The following NAV3 variants were observed in gnomAD, a reference collection of about 807,000 sequenced individuals.
NAV3 encodes pore membrane and/or filament interacting like protein 1.
Under a neutral mutation model 244.7 loss-of-function variants are expected in NAV3, and 87 were observed. That is an observed-to-expected ratio of 0.36 (90% CI 0.30 to 0.42). The LOEUF (loss-of-function observed/expected upper bound fraction) is 0.42. Ranked by LOEUF, NAV3 falls within the 20% of genes least tolerant of loss-of-function variation. The pLI, the probability that NAV3 is intolerant of heterozygous loss-of-function variation, is 1.00. For synonymous variants in NAV3, 1,126 were observed against 1,042.2 expected, an observed-to-expected ratio of 1.08 and a Z score of -1.55; for missense variants, 2,663 against 2,893.3, an observed-to-expected ratio of 0.92 and a Z score of 1.83.
At chr12:77,933,324 T>C (rs958299528) in intron 1 of NAV3, among the ~76,000 whole-genome samples, 10 of 152,026 alleles carry the variant, frequency 6.6e-5, no homozygotes, top group African/African-American at 2.4e-4. Flanking sequence ...GCAATGATAG[T>C]AGCAATGGAG....
At chr12:78,114,937 G>A (rs966469503) in intron 12 of NAV3, among the ~76,000 whole-genome samples, 1 of 152,076 alleles carries the variant, frequency 6.6e-6, no homozygotes, top group African/African-American at 2.4e-5. Context: ...TACACACCTA[G>A]AGAGGAATCA....
intron 16 of NAV3, among the ~76,000 whole-genome samples, chr12:78,126,134 G>T (rs1955896661): frequency 6.6e-6 from 1 of 152,078 alleles, no homozygotes. Context: ...ACCTTACATG[G>T]CTATTACCGA....
At chr12:77,979,092 T>G (rs1044578943) in intron 5 of NAV3, among the ~76,000 whole-genome samples, 4 of 151,722 alleles carry the variant, frequency 2.6e-5, no homozygotes, top group Non-Finnish European at 4.4e-5. Context: ...AAATCATAAT[T>G]GTCTGGGCAT....
chr12:78,103,179 T>A (rs1020403097), intron 12 of NAV3, among the ~76,000 whole-genome samples: 4 of 152,230 alleles, frequency 2.6e-5, no homozygotes, highest in Non-Finnish European at 5.9e-5. Flanking sequence ...ACCTCTTGAA[T>A]GCTTTGCTGC....
rs192151580 is a variant in NAV3 at position 77,914,411 on chromosome 12, A to G, written c.244-25908A>G. ...CTCTGAGTTTAGTAGTTACTTTGAT[A>G]TCTTAGTGAGGGATGCTCTCTAGTG... On this transcript the variant is annotated intron_variant, in intron 1 of 39. Transcript: ENST00000397909. Among the ~76,000 whole-genome samples the G allele has an allele frequency of 2.6e-5, 4 of 152,190 alleles. No homozygotes were observed. In the East Asian group the frequency reaches 7.8e-4, roughly 30 times the overall value.
At chr12:77,917,172 C>A (rs1002536737) in intron 1 of NAV3, among the ~76,000 whole-genome samples, 2 of 151,990 alleles carry the variant, frequency 1.3e-5, no homozygotes, top group South Asian at 2.1e-4. Context: ...TATTCCAAAC[C>A]AGATGCTGTG....
chr12:77,711,649 A>G (rs1417309434), intron 2 of NAV3, among the ~76,000 whole-genome samples: 2 of 152,182 alleles, frequency 1.3e-5, no homozygotes, highest in Admixed American at 6.5e-5. Flanking sequence ...AGCTGCCCTG[A>G]GCAAGATTAG....
chr12:77,619,870 G>C (rs534504735), intron 2 of NAV3, among the ~76,000 whole-genome samples: 2 of 151,484 alleles, frequency 1.3e-5, no homozygotes, highest in African/African-American at 4.8e-5. Context: ...GTGACAAAAA[G>C]TCTCTCTCTC....
At chr12:77,639,951 A>C (rs191066777) in intron 2 of NAV3, among the ~76,000 whole-genome samples, 1 of 152,286 alleles carries the variant, frequency 6.6e-6, no homozygotes, top group East Asian at 1.9e-4. Flanking sequence ...CACTAGTTTT[A>C]GAGAAGAGTT....
rs996209809 is a variant in NAV3 at position 78,169,102 on chromosome 12, G to A, written c.4981+236G>A. ...TCCATTATCAGATAATTTTTAAACT[G>A]ATCTTAAGAAATTTGGTTCTATAGT... On this transcript the variant is annotated intron_variant, in intron 24 of 39. Transcript: ENST00000397909. Among the ~76,000 whole-genome samples the A allele has an allele frequency of 2.6e-5, 4 of 151,632 alleles. No homozygotes were observed. The East Asian group carries it at 7.7e-4, about 29-fold the overall frequency.
intron 12 of NAV3, among the ~76,000 whole-genome samples, chr12:78,115,134 T>C (rs1336734321): frequency 6.6e-6 from 1 of 152,182 alleles, no homozygotes; most frequent in Non-Finnish European, 1.5e-5. Context: ...CACCATTTCT[T>C]TGTAGTTTGT....
intron 3 of NAV3, among the ~76,000 whole-genome samples, chr12:77,945,037 G>T (rs549702199): frequency 7.2e-5 from 11 of 151,906 alleles, no homozygotes; most frequent in African/African-American, 2.7e-4. Flanking sequence ...AGTGAATAAC[G>T]TGTTAAAAAG....
At chr12:77,870,795 A>T in intron 1 of NAV3, among the ~76,000 whole-genome samples, 1 of 152,216 alleles carries the variant, frequency 6.6e-6, no homozygotes, top group Admixed American at 6.5e-5. Flanking sequence ...GTTTAAATTG[A>T]ATTGTGAAAA....
At chr12:77,727,163 A>G (rs1024169410) in intron 2 of NAV3, among the ~76,000 whole-genome samples, 1 of 151,916 alleles carries the variant, frequency 6.6e-6, no homozygotes, top group Non-Finnish European at 1.5e-5. Context: ...CCATGATTCC[A>G]TTTACTAGGA....
At chr12:77,731,157 G>A (rs1877111345) in intron 2 of NAV3, among the ~76,000 whole-genome samples, 1 of 151,946 alleles carries the variant, frequency 6.6e-6, no homozygotes, top group Non-Finnish European at 1.5e-5. Context: ...GCAGAAGAGA[G>A]GCAAAGGTAA....
intron 2 of NAV3, among the ~76,000 whole-genome samples, chr12:77,585,369 G>C (rs1869552152): frequency 6.6e-6 from 1 of 152,114 alleles, no homozygotes; most frequent in South Asian, 2.1e-4. Context: ...CAGCGTGTTT[G>C]ATTCTATCTC....
At chr12:78,094,729 C>T (rs546855542) in intron 12 of NAV3, among the ~76,000 whole-genome samples, 2 of 151,970 alleles carry the variant, frequency 1.3e-5, no homozygotes, top group East Asian at 3.9e-4. Context: ...AACATTAGTT[C>T]CTTGTACATC....
intron 1 of NAV3, among the ~76,000 whole-genome samples, chr12:77,865,343 A>G (rs1879843852): frequency 6.7e-6 from 1 of 148,468 alleles, no homozygotes. Flanking sequence ...CTTTACCCTC[A>G]TAATGTCTAT....
intron 2 of NAV3, among the ~76,000 whole-genome samples, chr12:77,699,386 G>A (rs1389189013): frequency 2.0e-5 from 3 of 152,080 alleles, no homozygotes; most frequent in Admixed American, 2.0e-4. Flanking sequence ...AATATCAATT[G>A]CTGCAAAACA....
Sources: allele counts gnomAD v4.1 joint callset (sites outside exome capture counted in the v4.1 genomes callset), GRCh38; gene constraint gnomAD v4.1.1; transcripts MANE v1.5; gene names NCBI Gene and HGNC (gene_info 2026-07-23, HGNC 2026-07-21).